Variants in WIPF1 observed in about 807,000 individuals in gnomAD.
WIPF1 encodes WAS/WASL-interacting protein family member 1.
WIPF1 carries 13 observed loss-of-function variants against 35.4 expected under a neutral mutation model. The observed-to-expected ratio is 0.37, with a 90% CI of 0.24 to 0.58. The LOEUF (loss-of-function observed/expected upper bound fraction) is 0.58, where lower values mean the gene tolerates loss of function less well. WIPF1 is among the 20% of genes least tolerant of loss of function. The pLI, the probability that WIPF1 is intolerant of heterozygous loss-of-function variation, is 0.74. For missense variants in WIPF1, 591 were observed against 667.0 expected (o/e 0.89, Z 1.25); for synonymous variants, 267 against 266.3 (o/e 1.00, Z -0.02).
rs948380800 is a variant in WIPF1, at chr2:174,622,228, CA to C, written c.-38-36618del. Among the ~76,000 whole-genome samples, 1 of 152,108 alleles carries C rather than the reference CA, an allele frequency of 6.6e-6. No homozygotes were observed. Among genetic ancestry groups the C allele is most frequent in the Non-Finnish European group, 1.5e-5 (1 of 68,022 alleles). ...TCCTAAGGCTGTTGTTCCTAAACTT[CA>C]AATATTTGCAAACTAACTTCATAAT... On this transcript the variant is annotated intron_variant, in intron 1 of 8. Coordinates refer to the WIPF1 transcript ENST00000272746. The surrounding 1 kb of genome is among the most constrained non-coding windows in gnomAD (Gnocchi z 5.1).
intron 1 of WIPF1, among the ~76,000 whole-genome samples, chr2:174,675,268 A>C (rs1434560608): frequency 2.0e-5 from 3 of 152,218 alleles, no homozygotes; most frequent in African/African-American, 7.2e-5. Flanking sequence ...TTAACTTTAT[A>C]TATTTCCATT....
Position 174,571,969 on chromosome 2 carries a change from C to T in WIPF1, c.836G>A (p.Arg279Lys). ...PPVGNRPSIH[R>K]EAVPPPPPQN... ...AGGAGGAGGAGGGGGAACCGCTTCCCTGTGGATGGAGGGCCTGTTGCCCAC... is the reference window on the plus strand; with the variant it reads ...AGGAGGAGGAGGGGGAACCGCTTCCTTGTGGATGGAGGGCCTGTTGCCCAC... Residue 279 changes from arginine (R) to lysine (K), a missense_variant, in exon 5 of 8, where the codon AGG becomes AAG. Arg to Lys is a conservative substitution (Grantham distance 26, BLOSUM62 2). This residue lies in a region of WIPF1 where 471 missense variants were observed against 501.1 expected (regional missense o/e 0.94). Coordinates refer to ENST00000679041, the MANE Select transcript of WIPF1 (RefSeq NM_001375834.1). This position sits in a 1 kb window ranked among gnomAD's most constrained non-coding sequence, Gnocchi z 4.6. 8 of 1,563,744 alleles carry T rather than the reference C, an allele frequency of 5.1e-6. No individual in the cohort carries two copies. Among genetic ancestry groups the T allele is most frequent in the South Asian group, 4.9e-5 (4 of 82,124 alleles).
chr2:174,598,225 A>G (rs1331469841), upstream of WIPF1: 1 of 152,224 alleles, frequency 6.6e-6, no homozygotes, highest in Non-Finnish European at 1.5e-5. Context: ...AGGGCATTCA[A>G]GTGTGTGGGG....
chr2:174,588,593 C>T (rs1011035839), intron 1 of WIPF1, among the ~76,000 whole-genome samples: 22 of 152,206 alleles, frequency 1.4e-4, no homozygotes, highest in Admixed American at 5.9e-4. Context: ...TGTATATTAA[C>T]TTCTGGATGA....
chr2:174,578,923 A>G (rs1685149794), intron 3 of WIPF1, among the ~76,000 whole-genome samples: 1 of 152,244 alleles, frequency 6.6e-6, no homozygotes, highest in Non-Finnish European at 1.5e-5. Context: ...TTGATGAATG[A>G]CACATTTTGG....
At position 174,597,078 on chromosome 2, in the gene WIPF1, A is replaced by G. The variant is rs114331859; in HGVS notation, c.-39+523T>C. On this transcript the variant is annotated intron_variant, in intron 1 of 7. Transcript: ENST00000679041. Reference sequence around the variant, plus strand: ...GGAATAGACTTATTCTAAAAGACAAATCGTATTATAAAAGACTCTGCTTAG... The same window carrying G: ...GGAATAGACTTATTCTAAAAGACAAGTCGTATTATAAAAGACTCTGCTTAG... 2.5e-3 allele frequency among the ~76,000 whole-genome samples: 378 copies of G among 152,304 alleles called. 2 individuals are homozygous for G. Among genetic ancestry groups the G allele is most frequent in the African/African-American group, 8.5e-3 (353 of 41,572 alleles).
At chr2:174,669,218 CCAGA>C (rs1277447355) in intron 1 of WIPF1, among the ~76,000 whole-genome samples, 5 of 152,128 alleles carry the variant, frequency 3.3e-5, no homozygotes, top group Non-Finnish European at 5.9e-5. Flanking sequence ...GAAACAGTAC[CCAGA>C]CAGTGAATCC....
At position 174,606,987 on chromosome 2, in the gene WIPF1, A is replaced by G. The variant is rs150502507; in HGVS notation, c.-38-21376T>C. On this transcript the variant is annotated intron_variant, in intron 1 of 8. Coordinates refer to the WIPF1 transcript ENST00000272746. ...TCTTGCCGTGTCATTACCATGGCTGAAGGCAAGAGAGCATGCACAATGAGA... is the reference window on the plus strand; with the variant it reads ...TCTTGCCGTGTCATTACCATGGCTGGAGGCAAGAGAGCATGCACAATGAGA... Among the ~76,000 whole-genome samples the G allele has an allele frequency of 8.5e-5, 13 of 152,320 alleles. No individual in the cohort carries two copies. The East Asian group carries it at 1.9e-3, about 23-fold the overall frequency.
chr2:174,568,741 C>A (rs1402060464), intron 5 of WIPF1: 2 of 152,184 alleles, frequency 1.3e-5, no homozygotes, highest in Non-Finnish European at 2.9e-5. Context: ...CCTGAGCAAG[C>A]TGGTACCCTA....
intron 1 of WIPF1, chr2:174,673,661 T>C (rs1182704381): frequency 6.6e-6 from 1 of 152,342 alleles, no homozygotes; most frequent in Non-Finnish European, 1.5e-5. Flanking sequence ...GTTTCTATCC[T>C]GGACGTTTGG....
chr2:174,591,507 G>A (rs1685606494), intron 1 of WIPF1, among the ~76,000 whole-genome samples: 1 of 152,142 alleles, frequency 6.6e-6, no homozygotes, highest in Non-Finnish European at 1.5e-5. Context: ...ATAAGTGAAT[G>A]AATCATTCAA....
At chr2:174,574,953 T>A (rs200038404) in intron 4 of WIPF1, 73 of 704,284 alleles carry the variant, frequency 1.0e-4, no homozygotes, top group Admixed American at 4.4e-4. Flanking sequence ...TTTAGAAAAG[T>A]AAAAAAAAAA....
intron 3 of WIPF1, among the ~76,000 whole-genome samples, chr2:174,579,038 A>G (rs1012793387): frequency 1.3e-5 from 2 of 152,038 alleles, no homozygotes; most frequent in Non-Finnish European, 2.9e-5. Context: ...TTTTTTTGAG[A>G]TGGAGTTTCA....
chr2:174,614,208 C>T (rs1022591125), intron 1 of WIPF1, among the ~76,000 whole-genome samples: 8 of 152,158 alleles, frequency 5.3e-5, no homozygotes, highest in Non-Finnish European at 7.3e-5. Context: ...CTGGAGAGAG[C>T]CATTGCTAAT....
chr2:174,630,910 C>A (rs1408553453), intron 1 of WIPF1, among the ~76,000 whole-genome samples: 2 of 152,124 alleles, frequency 1.3e-5, no homozygotes, highest in Non-Finnish European at 2.9e-5. Flanking sequence ...GACAACAGCC[C>A]AAGTCCCCTC....
chr2:174,638,759 A>G (rs761094382), intron 1 of WIPF1, among the ~76,000 whole-genome samples: 9 of 152,160 alleles, frequency 5.9e-5, no homozygotes, highest in Non-Finnish European at 8.8e-5. Context: ...ATAGTATTCT[A>G]TTGTGTATAT....
chr2:174,567,194 A>T lies in WIPF1; in HGVS notation c.1343-11T>A. On this transcript the variant is annotated splice_polypyrimidine_tract_variant and intron_variant, in intron 6 of 7. Coordinates refer to ENST00000679041, the MANE Select transcript of WIPF1 (RefSeq NM_001375834.1). Reference sequence around the variant, plus strand: ...TGCTTTCCCACTCATCTGGGAAGAGAAACAAGCAGTATCTTCAGTGACAGA... The same window carrying T: ...TGCTTTCCCACTCATCTGGGAAGAGTAACAAGCAGTATCTTCAGTGACAGA... 1 of 1,611,274 alleles carries T rather than the reference A, an allele frequency of 6.2e-7. No individual in the cohort carries two copies. Among genetic ancestry groups the T allele is most frequent in the Non-Finnish European group, 8.5e-7 (1 of 1,177,376 alleles).
At chr2:174,646,835 G>C (rs538941887) in intron 1 of WIPF1, among the ~76,000 whole-genome samples, 1 of 152,110 alleles carries the variant, frequency 6.6e-6, no homozygotes, top group South Asian at 2.1e-4. Flanking sequence ...GGTGGGTCTC[G>C]AACTCCTGGG....
intron 1 of WIPF1, among the ~76,000 whole-genome samples, chr2:174,607,058 A>G (rs1431783620): frequency 6.6e-6 from 1 of 151,954 alleles, no homozygotes; most frequent in Non-Finnish European, 1.5e-5. Flanking sequence ...TCAAGAACCC[A>G]CTCTTGTGAT....
Sources: allele counts gnomAD v4.1 joint callset (sites outside exome capture counted in the v4.1 genomes callset), GRCh38; gene constraint gnomAD v4.1.1; regional missense constraint gnomAD v4.1.1; non-coding constraint Gnocchi (gnomAD v3.1); transcripts MANE v1.5; gene names NCBI Gene and HGNC (gene_info 2026-07-23, HGNC 2026-07-21).